ETS1: variants seen among roughly 807,000 people sequenced by gnomAD.
ETS1 encodes protein C-ets-1.
A neutral mutation model predicts 58.6 loss-of-function variants in ETS1; 15 were observed. The ratio of observed to expected loss-of-function variants is 0.26; its 90% CI spans 0.17 to 0.39. The LOEUF is 0.39. Ranked by LOEUF, ETS1 falls within the 10% of genes least tolerant of loss-of-function variation. The pLI is 1.00. For synonymous variants in ETS1, 214 were observed against 218.2 expected, an observed-to-expected ratio of 0.98 and a Z score of 0.17; for missense variants, 417 against 610.5, an observed-to-expected ratio of 0.68 and a Z score of 3.34.
chr11:128,486,967 A>C (rs1473988253), intron 5 of ETS1, among the ~76,000 whole-genome samples: 6 of 152,222 alleles, frequency 3.9e-5, no homozygotes, highest in Non-Finnish European at 8.8e-5. Context: ...GTTTTTCCTC[A>C]GGTATTTGAT....
At chr11:128,533,711 G>A (rs1400715936) in intron 3 of ETS1, among the ~76,000 whole-genome samples, 1 of 152,166 alleles carries the variant, frequency 6.6e-6, no homozygotes, top group African/African-American at 2.4e-5. Context: ...ATAAAATCAG[G>A]CACTTCCTAC....
intron 3 of ETS1, among the ~76,000 whole-genome samples, chr11:128,528,828 C>T (rs1331105375): frequency 6.6e-6 from 1 of 152,174 alleles, no homozygotes; most frequent in African/African-American, 2.4e-5. Flanking sequence ...TATTCTGTTC[C>T]TCCCATTCCT....
At chr11:128,579,707 T>TA (rs927781270) in intron 1 of ETS1, among the ~76,000 whole-genome samples, 34 of 148,830 alleles carry the variant, frequency 2.3e-4, no homozygotes, top group African/African-American at 7.6e-4. Context: ...ACTAACCATG[T>TA]AAAAAAAACT....
intron 3 of ETS1, among the ~76,000 whole-genome samples, chr11:128,538,790 A>ACC (rs1206348412): frequency 1.4e-5 from 2 of 142,472 alleles, no homozygotes; most frequent in Admixed American, 7.1e-5. Context: ...ACACACACAC[A>ACC]CCAAACCAGG....
chr11:128,478,566 A>C (rs1862398672), intron 8 of ETS1, among the ~76,000 whole-genome samples: 1 of 152,208 alleles, frequency 6.6e-6, no homozygotes, highest in Non-Finnish European at 1.5e-5. Flanking sequence ...TCTGCACCAC[A>C]AAAACAGAAG....
At chr11:128,493,104 G>T (rs771626477) in intron 3 of ETS1, among the ~76,000 whole-genome samples, 3 of 152,164 alleles carry the variant, frequency 2.0e-5, no homozygotes, top group Admixed American at 1.3e-4. Flanking sequence ...GAAAACACAG[G>T]CCAGGCCAAA....
rs532371006 is a variant in ETS1 at position 128,543,897 on chromosome 11, C to A, written c.214+12394G>T. Among the ~76,000 whole-genome samples the A allele has an allele frequency of 6.6e-5, 10 of 152,256 alleles. No homozygotes were observed. The South Asian group carries it at 1.9e-3, about 28-fold the overall frequency. On this transcript the variant is annotated intron_variant, in intron 3 of 9. Coordinates refer to ENST00000392668, the MANE Select transcript of ETS1 (RefSeq NM_001143820.2). The stretch of plus-strand genomic sequence containing the variant: ...CTAAATCCCTGTTTTTCCATTTAAT[C>A]TCATTGTGTTCTTAGTCTTCAGTGG...
intron 3 of ETS1, among the ~76,000 whole-genome samples, chr11:128,500,742 A>G (rs1863066030): frequency 6.6e-6 from 1 of 152,224 alleles, no homozygotes; most frequent in African/African-American, 2.4e-5. Context: ...AAGGATTCTC[A>G]ATATTGGCAG....
At chr11:128,472,740 CAA>C (rs1862220016) in intron 8 of ETS1, among the ~76,000 whole-genome samples, 1 of 152,174 alleles carries the variant, frequency 6.6e-6, no homozygotes, top group Non-Finnish European at 1.5e-5. Context: ...TGGGCCCAGC[CAA>C]AGTTTTCTTA....
chr11:128,585,120 G>T (rs1286272589), intron 1 of ETS1, among the ~76,000 whole-genome samples: 2 of 17,240 alleles, frequency 1.2e-4, no homozygotes, highest in African/African-American at 4.8e-4. Flanking sequence ...AGGAAGGAAA[G>T]AAAGAAGAAA....
intron 3 of ETS1, among the ~76,000 whole-genome samples, chr11:128,504,642 A>G (rs1565385774): frequency 1.3e-5 from 2 of 152,238 alleles, no homozygotes; most frequent in Non-Finnish European, 2.9e-5. Flanking sequence ...GGTGACATCA[A>G]CTTGCCTTAA....
chr11:128,561,612 A>G (rs1270690676), intron 2 of ETS1, among the ~76,000 whole-genome samples: 2 of 152,176 alleles, frequency 1.3e-5, no homozygotes, highest in Non-Finnish European at 2.9e-5. Context: ...GAAATATTGG[A>G]TGTGTTTTAA....
At chr11:128,467,894 C>A (rs994817893) in intron 8 of ETS1, among the ~76,000 whole-genome samples, 1 of 152,124 alleles carries the variant, frequency 6.6e-6, no homozygotes, top group Non-Finnish European at 1.5e-5. Context: ...ACCACACACA[C>A]ACTCCACACA....
rs1159801767 is a variant in ETS1, at chr11:128,461,343, C to T, written c.*1018G>A. 1 of 152,752 alleles carries T rather than the reference C, an allele frequency of 6.5e-6. No homozygotes were observed. Among genetic ancestry groups the T allele is most frequent in the Non-Finnish European group, 1.5e-5 (1 of 68,032 alleles). The allele number at this position is 152,752 out of a possible 1,614,324, so 9.5% of individuals were successfully genotyped here. A position where few individuals can be genotyped will look rare whatever the true frequency, so the allele number is the denominator to read the frequency against. On this transcript the variant is annotated 3_prime_UTR_variant, in exon 10 of 10. Transcript: ENST00000392668. ...CTAAGAAAGAACCAAGTCAATCTTCCTCCTTCGATCTCCCTTCCAGGACTT... is the reference window on the plus strand; with the variant it reads ...CTAAGAAAGAACCAAGTCAATCTTCTTCCTTCGATCTCCCTTCCAGGACTT...
At chr11:128,539,060 A>G (rs1257496221) in intron 3 of ETS1, among the ~76,000 whole-genome samples, 1 of 152,256 alleles carries the variant, frequency 6.6e-6, no homozygotes, top group Non-Finnish European at 1.5e-5. Context: ...TAAGTGGATC[A>G]GAGACATAAA....
Position 128,460,800 on chromosome 11 carries a change from T to G in ETS1, c.*1561A>C, listed in dbSNP as rs1384212447. The stretch of plus-strand genomic sequence containing the variant: ...ATTTTCCTCACTGAACCTCCTTCCT[T>G]AGTTTCCTTTGCCTTCAAGTCATTC... On this transcript the variant is annotated 3_prime_UTR_variant, in exon 10 of 10. Transcript: ENST00000392668. 1.3e-5 allele frequency: 2 copies of G among 152,332 alleles called. No homozygotes were observed. The highest frequency in any genetic ancestry group is 2.9e-5 in the Non-Finnish European group (2 of 68,036). The allele number at this position is 152,332 out of a possible 1,614,324, so 9.4% of individuals were successfully genotyped here. A position where few individuals can be genotyped will look rare whatever the true frequency, so the allele number is the denominator to read the frequency against.
At chr11:128,489,232 A>G in intron 5 of ETS1, 58 bp downstream of exon 5, 1 of 1,473,762 alleles carries the variant, frequency 6.8e-7, no homozygotes, top group Admixed American at 1.7e-5. Flanking sequence ...TGAGCCCCCT[A>G]CCTACTCTCA....
Position 128,573,065 on chromosome 11 carries a change from C to G in ETS1, c.66G>C (p.Val22=). 1 of 1,604,270 alleles carries G rather than the reference C, an allele frequency of 6.2e-7. No homozygotes were observed. Among genetic ancestry groups the G allele is most frequent in the Non-Finnish European group, 8.5e-7 (1 of 1,175,550 alleles). ...PVPYSAPRPA[V]VRQGPSNTYE... ...CAGGGAAGGGGCCACCACTCACCAC[C>G]ACTGCAGGACGAGGCGCTGAGTAAG... The change falls in exon 2 of 10, where the codon GTG becomes GTC. Residue 22 remains valine (V), a synonymous_variant. Coordinates refer to ENST00000392668, the MANE Select transcript of ETS1 (RefSeq NM_001143820.2).
At chr11:128,580,787 T>C (rs970369099) in intron 1 of ETS1, among the ~76,000 whole-genome samples, 21 of 152,230 alleles carry the variant, frequency 1.4e-4, no homozygotes, top group African/African-American at 4.8e-4. Context: ...TCTCAGTCTT[T>C]GTTTCTTCAC....
Sources: allele counts gnomAD v4.1 joint callset (sites outside exome capture counted in the v4.1 genomes callset), GRCh38; gene constraint gnomAD v4.1.1; transcripts MANE v1.5; gene names NCBI Gene and HGNC (gene_info 2026-07-23, HGNC 2026-07-21).